The following PRKCH variants were observed in gnomAD, a reference collection of about 807,000 sequenced individuals.
The protein encoded by PRKCH is protein kinase C eta type.
In PRKCH, 28 loss-of-function variants were observed where a neutral mutation model predicts 82.5. The ratio of observed to expected loss-of-function variants is 0.34; its 90% CI spans 0.25 to 0.47. PRKCH has a LOEUF of 0.47. Ranked by LOEUF, PRKCH falls within the 20% of genes least tolerant of loss-of-function variation. The probability of loss-of-function intolerance (pLI) is 1.00; values close to 1 mark genes in which losing one functional copy is unlikely to be tolerated. For synonymous variants in PRKCH, 322 were observed against 327.4 expected (o/e 0.98, Z 0.18); for missense variants, 705 against 881.8 (o/e 0.80, Z 2.54).
At chr14:61,226,885 C>A (rs2044700888) in intron 1 of PRKCH, among the ~76,000 whole-genome samples, 1 of 152,126 alleles carries the variant, frequency 6.6e-6, no homozygotes, top group Admixed American at 6.5e-5. Context: ...TTACCACCAT[C>A]ATTCCTTGCC....
In PRKCH at chr14:61,243,060, A is replaced by C. The variant is rs562464703; in HGVS notation, c.-19+55392A>C. 8.0e-5 allele frequency among the ~76,000 whole-genome samples: 11 copies of C among 137,282 alleles called. No homozygotes were observed. The East Asian group carries it at 2.4e-3, about 30-fold the overall frequency. 90.1% of individuals were successfully genotyped at this position (137,282 alleles called of 152,430 possible). A position where few individuals can be genotyped will look rare whatever the true frequency, so the allele number is the denominator to read the frequency against. The stretch of plus-strand genomic sequence containing the variant: ...TATGAAGTCAAGAGGGATTTGACCT[A>C]GACCCGATTTTGGGAAGGCTTCTGA... On this transcript the variant is annotated intron_variant, in intron 1 of 3. Coordinates refer to the PRKCH transcript ENST00000555185.
chr14:61,404,623 G>T (rs1881840884), intron 2 of PRKCH, among the ~76,000 whole-genome samples: 1 of 152,170 alleles, frequency 6.6e-6, no homozygotes. Context: ...AATTAGAAAG[G>T]TTAACATAAT....
intron 1 of PRKCH, among the ~76,000 whole-genome samples, chr14:61,381,603 G>A (rs1425357766): frequency 1.3e-5 from 2 of 152,198 alleles, no homozygotes; most frequent in African/African-American, 2.4e-5. Context: ...GCTGACTAAC[G>A]GCACCTAAAC....
intron 1 of PRKCH, among the ~76,000 whole-genome samples, chr14:61,378,465 C>T (rs1175212945): frequency 6.6e-6 from 1 of 152,026 alleles, no homozygotes; most frequent in Admixed American, 6.6e-5. Flanking sequence ...CTTGGCCTCC[C>T]AAAATACTGA....
intron 1 of PRKCH, among the ~76,000 whole-genome samples, chr14:61,366,754 CTTTATG>C (rs1335324291): frequency 6.6e-6 from 1 of 152,044 alleles, no homozygotes; most frequent in African/African-American, 2.4e-5. Flanking sequence ...CATCTCTGTA[CTTTATG>C]TTTATGTGTA....
At chr14:61,372,784 C>A (rs1467567831) in intron 1 of PRKCH, among the ~76,000 whole-genome samples, 1 of 151,980 alleles carries the variant, frequency 6.6e-6, no homozygotes, top group Non-Finnish European at 1.5e-5. Context: ...CTCTTGATAC[C>A]CTAACTTTTT....
At chr14:61,206,967 G>A (rs1314471569) in intron 1 of PRKCH, among the ~76,000 whole-genome samples, 4 of 151,740 alleles carry the variant, frequency 2.6e-5, no homozygotes, top group South Asian at 2.1e-4. Context: ...TTAGCCAGAC[G>A]TGGTGGTGCA....
At chr14:61,238,039 T>A (rs1446401159) in intron 1 of PRKCH, among the ~76,000 whole-genome samples, 1 of 152,238 alleles carries the variant, frequency 6.6e-6, no homozygotes, top group Non-Finnish European at 1.5e-5. Context: ...TGTTGCAAAG[T>A]AGTAACAGTC....
At chr14:61,278,980 C>T (rs2140090808) in intron 1 of PRKCH, 1 of 99,810 alleles carries the variant, frequency 1.0e-5, no homozygotes, top group East Asian at 3.1e-4. Flanking sequence ...TCTAATCACA[C>T]ACACACACAC....
Position 61,291,012 on chromosome 14 carries a change from ACTGT to A in PRKCH, c.-19+103353_-19+103356del, listed in dbSNP as rs531828005. The stretch of plus-strand genomic sequence containing the variant: ...CAGCTTGGAGGTGGGCTAAGAAAGG[ACTGT>A]CTGTCTGTGCTCAGATTCTCCTTAA... On this transcript the variant is annotated intron_variant, in intron 1 of 3. Transcript: ENST00000555185. 6.6e-4 allele frequency among the ~76,000 whole-genome samples: 100 copies of A among 152,164 alleles called. 1 individual carries two copies. The highest frequency in any genetic ancestry group is 5.3e-4 in the Non-Finnish European group (36 of 68,032).
At chr14:61,244,320 G>A (rs2044863473) in intron 1 of PRKCH, among the ~76,000 whole-genome samples, 2 of 152,120 alleles carry the variant, frequency 1.3e-5, no homozygotes, top group Non-Finnish European at 2.9e-5. Context: ...TCACTGTCAT[G>A]CCGATTAACT....
chr14:61,399,095 T>C (rs1156883882), intron 2 of PRKCH, among the ~76,000 whole-genome samples: 1 of 152,200 alleles, frequency 6.6e-6, no homozygotes, highest in Non-Finnish European at 1.5e-5. Context: ...ATATGACATC[T>C]GGGCTTTACT....
chr14:61,394,409 G>A (rs1317587754), intron 2 of PRKCH, among the ~76,000 whole-genome samples: 1 of 152,130 alleles, frequency 6.6e-6, no homozygotes, highest in African/African-American at 2.4e-5. Flanking sequence ...TAGTATTATG[G>A]AACATTGTTG....
intron 2 of PRKCH, among the ~76,000 whole-genome samples, chr14:61,414,722 G>A (rs1031956484): frequency 7.3e-5 from 11 of 151,348 alleles, no homozygotes; most frequent in Admixed American, 1.3e-4. Flanking sequence ...CTCGTGATCC[G>A]CCTGCCTCAG....
At position 61,210,138 on chromosome 14, in the gene PRKCH, AT is replaced by A. The variant is rs1566781683; in HGVS notation, c.-19+22471del. 1.1e-3 allele frequency among the ~76,000 whole-genome samples: 50 copies of A among 43,710 alleles called. 1 individual carries two copies. The Middle Eastern group carries it at 0.023, about 20-fold the overall frequency. 28.7% of individuals were successfully genotyped at this position (43,710 alleles called of 152,430 possible). On this transcript the variant is annotated intron_variant, in intron 1 of 3. Transcript: ENST00000555185. The stretch of plus-strand genomic sequence containing the variant: ...TATATATATATATATATATATATAT[AT>A]ATATATATATATATATATATATAAA...
At chr14:61,216,713 G>C (rs887022984) in intron 1 of PRKCH, among the ~76,000 whole-genome samples, 1 of 152,192 alleles carries the variant, frequency 6.6e-6, no homozygotes, top group African/African-American at 2.4e-5. Context: ...TGGTTCTTGA[G>C]ATGTTGTCAT....
intron 1 of PRKCH, among the ~76,000 whole-genome samples, chr14:61,387,371 A>G (rs1338912049): frequency 1.3e-5 from 2 of 152,238 alleles, no homozygotes; most frequent in East Asian, 1.9e-4. Flanking sequence ...CATTTGGACT[A>G]CATGTGAGGG....
At chr14:61,398,290 G>A (rs775838000) in intron 2 of PRKCH, among the ~76,000 whole-genome samples, 1 of 152,126 alleles carries the variant, frequency 6.6e-6, no homozygotes, top group Non-Finnish European at 1.5e-5. Flanking sequence ...GTCTGGAAGA[G>A]TGGAGTAGCA....
intron 2 of PRKCH, among the ~76,000 whole-genome samples, chr14:61,439,898 G>C (rs761021561): frequency 4.6e-5 from 7 of 152,074 alleles, no homozygotes; most frequent in Non-Finnish European, 8.8e-5. Flanking sequence ...GGCAATAGCT[G>C]TTAAGAAAAA....
Sources: allele counts gnomAD v4.1 joint callset (sites outside exome capture counted in the v4.1 genomes callset), GRCh38; gene constraint gnomAD v4.1.1; transcripts MANE v1.5; gene names NCBI Gene and HGNC (gene_info 2026-07-23, HGNC 2026-07-21).